VCPIP1: variants seen among roughly 807,000 people sequenced by gnomAD.
VCPIP1 encodes deubiquitinating protein VCPIP1.
A neutral mutation model predicts 85.0 loss-of-function variants in VCPIP1; 8 were observed. That is an observed-to-expected ratio of 0.09 (90% CI 0.06 to 0.17). The LOEUF (loss-of-function observed/expected upper bound fraction) is 0.17. VCPIP1 is among the 10% of genes least tolerant of loss of function. The pLI is 1.00. For missense variants in VCPIP1, 1,070 were observed against 1,486.3 expected (o/e 0.72, Z 4.61); for synonymous variants, 543 against 544.5 (o/e 1.00, Z 0.04).
Position 66,664,923 on chromosome 8 carries a change from A to G in VCPIP1, c.2036T>C (p.Val679Ala). The G allele has an allele frequency of 6.2e-7, 1 of 1,614,154 alleles. No homozygotes were observed. The highest frequency in any genetic ancestry group is 1.3e-5 in the African/African-American group (1 of 75,036). ...CTGAGACTCTGATTCTTGTCCTTGA[A>G]CATCTCCAACTCTTTGGGCGTGAGC... Reference protein sequence around the residue: ...DGAHAQRVGDVQGQESESQLP... With the variant: ...DGAHAQRVGDAQGQESESQLP... Residue 679 changes from valine to alanine, a missense_variant, in exon 1 of 3, where the codon GTT becomes GCT. Physicochemically the swap from Val to Ala is moderately conservative, Grantham distance 64. This residue lies in a region of VCPIP1 where 278 missense variants were observed against 298.5 expected (regional missense o/e 0.93). Transcript: ENST00000310421.
intron 2 of VCPIP1, among the ~76,000 whole-genome samples, chr8:66,636,838 G>C (rs1299675217): frequency 2.0e-5 from 3 of 151,824 alleles, no homozygotes; most frequent in Non-Finnish European, 2.9e-5. Flanking sequence ...CTGGGCAACA[G>C]AGTGAGACTC....
At chr8:66,648,019 T>C (rs956048233) in intron 2 of VCPIP1, among the ~76,000 whole-genome samples, 2 of 152,138 alleles carry the variant, frequency 1.3e-5, no homozygotes, top group Non-Finnish European at 2.9e-5. Context: ...CCCAGTCTGG[T>C]CTTGAACTCC....
rs1810847352 is a variant in VCPIP1 at position 66,632,835 on chromosome 8, C to T, written c.*1666G>A. ...TCTTATTTTATGCAAAAATAGTGTA[C>T]AATATAAAAGTTTAAAAATTTCCTG... On this transcript the variant is annotated 3_prime_UTR_variant, in exon 3 of 3. Transcript: ENST00000310421. The T allele has an allele frequency of 6.6e-6, 1 of 151,652 alleles. No individual in the cohort carries two copies. The allele number at this position is 151,652 out of a possible 1,614,324, so 9.4% of individuals were successfully genotyped here. A position where few individuals can be genotyped will look rare whatever the true frequency, so the allele number is the denominator to read the frequency against.
Position 66,664,491 on chromosome 8 carries a change from G to A in VCPIP1, c.2468C>T (p.Pro823Leu). ...YLQCIRYGFP[P>L]KELMPPQAGM... Reference sequence around the variant, plus strand: ...TGCCTGTGGTGGCATTAACTCTTTAGGAGGAAACCCGTATCGAATACACTG... The same window carrying A: ...TGCCTGTGGTGGCATTAACTCTTTAAGAGGAAACCCGTATCGAATACACTG... The change falls in exon 1 of 3, where the codon CCT (proline) becomes CTT (leucine). Residue 823 changes from proline (P) to leucine (L), a missense_variant. By Grantham distance (98) the Pro-to-Leu change is moderately conservative. Coordinates refer to ENST00000310421, the MANE Select transcript of VCPIP1 (RefSeq NM_025054.5). 1 of 1,614,142 alleles carries A rather than the reference G, an allele frequency of 6.2e-7. No homozygotes were observed. The highest frequency in any genetic ancestry group is 8.5e-7 in the Non-Finnish European group (1 of 1,180,030).
intron 2 of VCPIP1, among the ~76,000 whole-genome samples, chr8:66,641,845 T>C (rs1039503776): frequency 6.6e-6 from 1 of 152,252 alleles, no homozygotes; most frequent in Admixed American, 6.5e-5. Flanking sequence ...CATCAGTTGA[T>C]GGACATTTTA....
chr8:66,664,735 G>C lies in VCPIP1; in HGVS notation c.2224C>G (p.Gln742Glu). Residue 742 changes from glutamine to glutamate, a missense_variant, in exon 1 of 3, where the codon CAA becomes GAA. By Grantham distance (29) the Gln-to-Glu change is conservative. This residue lies in a region of VCPIP1 where 278 missense variants were observed against 298.5 expected (regional missense o/e 0.93). Coordinates refer to ENST00000310421, the MANE Select transcript of VCPIP1 (RefSeq NM_025054.5). ...TEKLKQEQKG[Q>E]PRTVSPSTIR... ...GTACTGGGAGAAACAGTCCTGGGTTGCCCTTTTTGTTCTTGTTTTAACTTC... is the reference window on the plus strand; with the variant it reads ...GTACTGGGAGAAACAGTCCTGGGTTCCCCTTTTTGTTCTTGTTTTAACTTC... The C allele has an allele frequency of 6.2e-7, 1 of 1,613,464 alleles. No homozygotes were observed. Among genetic ancestry groups the C allele is most frequent in the Non-Finnish European group, 8.5e-7 (1 of 1,179,814 alleles).
chr8:66,638,384 G>T (rs917086231), intron 2 of VCPIP1, among the ~76,000 whole-genome samples: 1 of 150,770 alleles, frequency 6.6e-6, no homozygotes, highest in Non-Finnish European at 1.5e-5. Flanking sequence ...CAACCTGGAA[G>T]ACTGAGGCAG....
At chr8:66,654,163 C>G (rs962736787) in intron 1 of VCPIP1, among the ~76,000 whole-genome samples, 2 of 152,238 alleles carry the variant, frequency 1.3e-5, no homozygotes, top group African/African-American at 4.8e-5. Flanking sequence ...CTTATACCCT[C>G]CTTTCCATTG....
Position 66,638,451 on chromosome 8 carries a change from C to T in VCPIP1, c.2798-3079G>A, listed in dbSNP as rs185474270. ...GCAGGAAGTTGTGATCATACCACTG[C>T]GCTCCAGCCTGAGAGTAAAACCCCA... On this transcript the variant is annotated intron_variant, in intron 2 of 2. Coordinates refer to ENST00000310421, the MANE Select transcript of VCPIP1 (RefSeq NM_025054.5). Among the ~76,000 whole-genome samples the T allele has an allele frequency of 1.3e-3, 184 of 142,386 alleles. 2 individuals carry two copies. The highest frequency in any genetic ancestry group is 3.9e-3 in the African/African-American group (149 of 38,240). 93.4% of individuals were successfully genotyped at this position (142,386 alleles called of 152,430 possible).
intron 2 of VCPIP1, among the ~76,000 whole-genome samples, chr8:66,641,113 G>A (rs542578603): frequency 1.3e-5 from 2 of 152,240 alleles, no homozygotes; most frequent in Non-Finnish European, 2.9e-5. Flanking sequence ...CACTCATCCC[G>A]GCCCCTGTAT....
intron 1 of VCPIP1, among the ~76,000 whole-genome samples, 172 bp from the exon 2 acceptor site, chr8:66,651,716 A>C (rs1403558131): frequency 6.6e-6 from 1 of 152,174 alleles, no homozygotes; most frequent in Non-Finnish European, 1.5e-5. Flanking sequence ...GCATACTAGA[A>C]AATGCATGGC....
intron 1 of VCPIP1, among the ~76,000 whole-genome samples, chr8:66,652,852 A>G (rs999032709): frequency 6.6e-6 from 1 of 152,162 alleles, no homozygotes; most frequent in Non-Finnish European, 1.5e-5. Flanking sequence ...CTAATCTGCT[A>G]ATGTATACAT....
At position 66,652,623 on chromosome 8, in the gene VCPIP1, AAAAG is replaced by A. The variant is rs1177199766; in HGVS notation, c.2711-1083_2711-1080del. On this transcript the variant is annotated intron_variant, in intron 1 of 2. Transcript: ENST00000310421. ...AGCAAAACTCTATCTCAAAAAAAAA[AAAAG>A]ATATTTTTGAAAGTAAAATACAAAA... Among the ~76,000 whole-genome samples the A allele has an allele frequency of 7.6e-4, 116 of 152,266 alleles. 1 individual carries two copies. Among genetic ancestry groups the A allele is most frequent in the African/African-American group, 2.7e-3 (114 of 41,570 alleles).
intron 2 of VCPIP1, among the ~76,000 whole-genome samples, chr8:66,649,484 A>G (rs542900835): frequency 6.6e-6 from 1 of 152,164 alleles, no homozygotes; most frequent in Non-Finnish European, 1.5e-5. Flanking sequence ...ACTCCAGCCC[A>G]GGAGATAGAG....
intron 2 of VCPIP1, among the ~76,000 whole-genome samples, chr8:66,643,048 C>T (rs972219840): frequency 1.5e-4 from 23 of 152,182 alleles, no homozygotes; most frequent in Non-Finnish European, 2.9e-4. Flanking sequence ...AAAGGCCAGG[C>T]ATGGTGGCTC....
At chr8:66,642,167 T>C (rs933734608) in intron 2 of VCPIP1, among the ~76,000 whole-genome samples, 8 of 152,230 alleles carry the variant, frequency 5.3e-5, no homozygotes. Flanking sequence ...CATTTTTCTT[T>C]TGATTTGCAT....
chr8:66,650,050 T>C (rs2130165983), intron 2 of VCPIP1, among the ~76,000 whole-genome samples: 1 of 147,668 alleles, frequency 6.8e-6, no homozygotes, highest in Non-Finnish European at 1.5e-5. Flanking sequence ...TTTTAGGTTG[T>C]AATAATGACT....
intron 2 of VCPIP1, among the ~76,000 whole-genome samples, chr8:66,649,174 C>CTAG (rs1189685417): frequency 4.6e-5 from 7 of 151,248 alleles, no homozygotes; most frequent in Admixed American, 3.3e-4. Flanking sequence ...TGTCTCAAAA[C>CTAG]TAGTAATAAT....
intron 2 of VCPIP1, among the ~76,000 whole-genome samples, chr8:66,637,422 A>C (rs1158774760): frequency 6.6e-6 from 1 of 150,772 alleles, no homozygotes; most frequent in Non-Finnish European, 1.5e-5. Flanking sequence ...TGCCGGGCAC[A>C]GTGGCTCACA....
Sources: allele counts gnomAD v4.1 joint callset (sites outside exome capture counted in the v4.1 genomes callset), GRCh38; gene constraint gnomAD v4.1.1; regional missense constraint gnomAD v4.1.1; transcripts MANE v1.5; gene names NCBI Gene and HGNC (gene_info 2026-07-23, HGNC 2026-07-21).